The following TM9SF4 variants were observed in gnomAD, a reference collection of about 807,000 sequenced individuals.
TM9SF4 encodes dinucleotide oxidase disulfide thiol exchanger 3 superfamily member 4.
In TM9SF4, 26 loss-of-function variants were observed where a neutral mutation model predicts 90.4. The observed-to-expected ratio is 0.29, with a 90% CI of 0.21 to 0.40. The LOEUF (loss-of-function observed/expected upper bound fraction) is 0.40. Ranked by LOEUF, TM9SF4 falls within the 10% of genes least tolerant of loss-of-function variation. TM9SF4 has a pLI of 1.00. For missense variants in TM9SF4, 549 were observed against 834.8 expected (o/e 0.66, Z 4.22); for synonymous variants, 293 against 315.4 (o/e 0.93, Z 0.75).
chr20:32,130,952 C>A (rs1015796675), intron 1 of TM9SF4, among the ~76,000 whole-genome samples: 1 of 152,060 alleles, frequency 6.6e-6, no homozygotes, highest in African/African-American at 2.4e-5. Context: ...GTATGGGAAC[C>A]CTCTGTAGTG....
At chr20:32,121,361 G>T (rs1242264024) in intron 1 of TM9SF4, among the ~76,000 whole-genome samples, 1 of 151,982 alleles carries the variant, frequency 6.6e-6, no homozygotes, top group Non-Finnish European at 1.5e-5. Context: ...CTTCTGCAGC[G>T]TTTGTGTCCC....
At chr20:32,156,111 TGTC>T (rs2046915973) in intron 13 of TM9SF4, among the ~76,000 whole-genome samples, 1 of 152,236 alleles carries the variant, frequency 6.6e-6, no homozygotes, top group East Asian at 1.9e-4. Context: ...TAATATATGT[TGTC>T]TTTTTTCCTT....
At chr20:32,130,837 T>C (rs2046499348) in intron 1 of TM9SF4, among the ~76,000 whole-genome samples, 1 of 152,206 alleles carries the variant, frequency 6.6e-6, no homozygotes, top group Admixed American at 6.5e-5. Flanking sequence ...AATTATTTAC[T>C]GTAGTTTGCT....
intron 1 of TM9SF4, among the ~76,000 whole-genome samples, chr20:32,115,769 T>A (rs925956101): frequency 6.6e-6 from 1 of 151,910 alleles, no homozygotes; most frequent in African/African-American, 2.4e-5. Flanking sequence ...TATATTAAAA[T>A]TTTTTATTGT....
chr20:32,109,853 G>C, intron 1 of TM9SF4, 98 bp downstream of exon 1: 2 of 1,543,686 alleles, frequency 1.3e-6, no homozygotes, highest in Non-Finnish European at 1.7e-6. Flanking sequence ...AGCCACCTCC[G>C]GGACCCCTGA....
At position 32,165,568 on chromosome 20, in the gene TM9SF4, T is replaced by G; in HGVS notation, c.*124T>G. 2 of 1,189,928 alleles carry G rather than the reference T, an allele frequency of 1.7e-6. No individual in the cohort carries two copies. Among genetic ancestry groups the G allele is most frequent in the Non-Finnish European group, 1.2e-6 (1 of 842,234 alleles). The allele number at this position is 1,189,928 out of a possible 1,614,324, so 73.7% of individuals were successfully genotyped here. A position where few individuals can be genotyped will look rare whatever the true frequency, so the allele number is the denominator to read the frequency against. On this transcript the variant is annotated 3_prime_UTR_variant, in exon 18 of 18. Coordinates refer to ENST00000398022, the MANE Select transcript of TM9SF4 (RefSeq NM_014742.4). ...TGGAATGTAACTCCTGGCACAGTGT[T>G]CCTGGATCCTGGGGCTGCGTGGGGG... is the stretch of plus-strand genomic sequence containing the variant.
At chr20:32,138,414 A>AGT (rs1244718991) in intron 3 of TM9SF4, among the ~76,000 whole-genome samples, 1 of 152,230 alleles carries the variant, frequency 6.6e-6, no homozygotes, top group East Asian at 1.9e-4. Flanking sequence ...GGATCACCTG[A>AGT]GGTCAAGAGT....
chr20:32,120,395 G>GTTTTTTTTTTTTTT (rs34639926), intron 1 of TM9SF4, among the ~76,000 whole-genome samples: 7 of 116,220 alleles, frequency 6.0e-5, no homozygotes, highest in African/African-American at 1.4e-4. Flanking sequence ...TAAGTGGTGC[G>GTTTTTTTTTTTTTT]TTTTTTTTTT....
chr20:32,123,182 G>A (rs1569053507), intron 1 of TM9SF4, among the ~76,000 whole-genome samples: 2 of 17,222 alleles, frequency 1.2e-4, no homozygotes, highest in Non-Finnish European at 2.9e-4. Context: ...GGGGAGGGGG[G>A]GAGGGGGAGA....
chr20:32,116,620 A>G (rs576872744), intron 1 of TM9SF4: 4 of 152,090 alleles, frequency 2.6e-5, no homozygotes. Flanking sequence ...TAAAGGCTAC[A>G]TTTTCAGTTT....
At chr20:32,157,181 G>T (rs1375697941) in intron 13 of TM9SF4, among the ~76,000 whole-genome samples, 1 of 151,644 alleles carries the variant, frequency 6.6e-6, no homozygotes, top group Non-Finnish European at 1.5e-5. Flanking sequence ...TTGAACTCCT[G>T]ACCTCAAGTG....
intron 17 of TM9SF4, among the ~76,000 whole-genome samples, 158 bp from the exon 18 acceptor site, chr20:32,165,137 C>A (rs1183367106): frequency 1.3e-5 from 2 of 152,192 alleles, no homozygotes; most frequent in Non-Finnish European, 2.9e-5. Context: ...CAGAGCTGTG[C>A]CCATGAACCC....
chr20:32,166,201 A>G lies in TM9SF4; in HGVS notation c.*757A>G, dbSNP rs1253772362. On this transcript the variant is annotated 3_prime_UTR_variant, in exon 18 of 18. Transcript: ENST00000398022. ...AGCAGCCGGAGTTTGCTGGACCACA[A>G]GGAAGAAGAGAAGAGACTTGCAGTG... 1 of 152,280 alleles carries G rather than the reference A, an allele frequency of 6.6e-6. No individual in the cohort carries two copies. Among genetic ancestry groups the G allele is most frequent in the Non-Finnish European group, 1.5e-5 (1 of 67,706 alleles). 9.4% of individuals were successfully genotyped at this position (152,280 alleles called of 1,614,324 possible). A position where few individuals can be genotyped will look rare whatever the true frequency, so the allele number is the denominator to read the frequency against.
In TM9SF4 at chr20:32,155,112, CTG is replaced by C; in HGVS notation, c.1257_1258del (p.Tyr420ProfsTer58). Reference sequence around the variant, plus strand: ...GCCCCTCTTGCTCCAGACGGCAACTCTGTACCCTGGTGTGGTTTTTGGCATCT... The same window carrying C: ...GCCCCTCTTGCTCCAGACGGCAACTCTACCCTGGTGTGGTTTTTGGCATCT... Reference protein sequence around the residue: ...WKKGAFCTATLYPGVVFGICF... With the variant: ...WKKGAFCTATXYPGVVFGICF... On this transcript the variant is annotated frameshift_variant, in exon 13 of 18. Coordinates refer to ENST00000398022, the MANE Select transcript of TM9SF4 (RefSeq NM_014742.4). LOFTEE classifies it high-confidence loss of function. 1.9e-6 allele frequency: 3 copies of C among 1,614,186 alleles called. No individual in the cohort carries two copies. Among genetic ancestry groups the C allele is most frequent in the Non-Finnish European group, 2.5e-6 (3 of 1,180,010 alleles).
At chr20:32,151,470 G>C (rs1226553921) in intron 12 of TM9SF4, among the ~76,000 whole-genome samples, 1 of 152,032 alleles carries the variant, frequency 6.6e-6, no homozygotes, top group African/African-American at 2.4e-5. Flanking sequence ...GGACTAGGAA[G>C]ACTCTTGGGT....
chr20:32,122,952 C>T lies in TM9SF4; in HGVS notation c.16-10061C>T, dbSNP rs542290782. On this transcript the variant is annotated intron_variant, in intron 1 of 17. Transcript: ENST00000398022. Reference sequence around the variant, plus strand: ...GAGGCCGAGGCTGGTAGATCACTCGCGGTTAGGAGCTGGAGACCAGCCCGG... The same window carrying T: ...GAGGCCGAGGCTGGTAGATCACTCGTGGTTAGGAGCTGGAGACCAGCCCGG... 4.5e-3 allele frequency among the ~76,000 whole-genome samples: 679 copies of T among 151,738 alleles called. 4 individuals are homozygous for T. Among genetic ancestry groups the T allele is most frequent in the African/African-American group, 0.016 (644 of 41,370 alleles).
At chr20:32,117,209 GC>G (rs2046239297) in intron 1 of TM9SF4, among the ~76,000 whole-genome samples, 1 of 121,306 alleles carries the variant, frequency 8.2e-6, no homozygotes, top group African/African-American at 3.2e-5. Flanking sequence ...GGGCAACAGA[GC>G]TAGACTCTGT....
chr20:32,157,807 C>T lies in TM9SF4; in HGVS notation c.1343C>T (p.Thr448Ile). Residue 448 changes from threonine to isoleucine, a missense_variant, in exon 14 of 18, where the codon ACC becomes ATC. Around this residue, in one of 2 missense-constraint regions of TM9SF4, gnomAD observed 495 missense variants for 711.7 expected, o/e 0.70. Transcript: ENST00000398022. Reference sequence around the variant, plus strand: ...CCATGTCTACAGGTGCCCTTTCCCACCATGGTGGCTCTGCTGTGCATGTGG... The same window carrying T: ...CCATGTCTACAGGTGCCCTTTCCCATCATGGTGGCTCTGCTGTGCATGTGG... ...KHSSGAVPFP[T>I]MVALLCMWFG... is the part of the protein sequence containing the mutation. 1.2e-6 allele frequency: 2 copies of T among 1,614,194 alleles called. No homozygotes were observed. Among genetic ancestry groups the T allele is most frequent in the Non-Finnish European group, 1.7e-6 (2 of 1,180,024 alleles).
chr20:32,122,003 G>A (rs1232330196), intron 1 of TM9SF4, among the ~76,000 whole-genome samples: 3 of 145,278 alleles, frequency 2.1e-5, no homozygotes, highest in African/African-American at 7.7e-5. Context: ...CTCCCTCCCG[G>A]ACAGGGTGGC....
Sources: allele counts gnomAD v4.1 joint callset (sites outside exome capture counted in the v4.1 genomes callset), GRCh38; gene constraint gnomAD v4.1.1; regional missense constraint gnomAD v4.1.1; transcripts MANE v1.5; gene names NCBI Gene and HGNC (gene_info 2026-07-23, HGNC 2026-07-21).